TSPAN9: variants seen among roughly 807,000 people sequenced by gnomAD.
TSPAN9 encodes tetraspanin-9.
In TSPAN9, 16 loss-of-function variants were observed where a neutral mutation model predicts 31.0. The observed-to-expected ratio is 0.52, with a 90% confidence interval of 0.35 to 0.78. TSPAN9 has a LOEUF of 0.78. TSPAN9 is among the 30% of genes least tolerant of loss of function. The pLI, the probability that TSPAN9 is intolerant of heterozygous loss-of-function variation, is 0.01. For missense variants in TSPAN9, 272 were observed against 312.5 expected (o/e 0.87, Z 0.98); for synonymous variants, 145 against 121.6 (o/e 1.19, Z -1.27).
chr12:3,214,860 T>G (rs2098380535), intron 3 of TSPAN9, among the ~76,000 whole-genome samples: 1 of 152,046 alleles, frequency 6.6e-6, no homozygotes, highest in South Asian at 2.1e-4. Flanking sequence ...GCGATCGTCA[T>G]TAGGAAGAGC....
At position 3,168,805 on chromosome 12, in the gene TSPAN9, C is replaced by T. The variant is rs1591657550; in HGVS notation, c.-17-32372C>T. On this transcript the variant is annotated intron_variant, in intron 2 of 8. Coordinates refer to ENST00000011898, the MANE Select transcript of TSPAN9 (RefSeq NM_006675.5). This position sits in a 1 kb window ranked among gnomAD's most constrained non-coding sequence, Gnocchi z 4.0. The stretch of plus-strand genomic sequence containing the variant: ...TTCTGTGTCTCCACCATAAAGTACT[C>T]GTTGAGTAAATGAATGAATCAGATG... Among the ~76,000 whole-genome samples the T allele has an allele frequency of 1.3e-5, 2 of 152,298 alleles. No homozygotes were observed. The highest frequency in any genetic ancestry group is 2.1e-4 in the South Asian group (1 of 4,820).
intron 3 of TSPAN9, among the ~76,000 whole-genome samples, chr12:3,209,803 C>CA (rs1199286332): frequency 1.4e-4 from 21 of 151,954 alleles, no homozygotes; most frequent in African/African-American, 5.1e-4. Flanking sequence ...ACTAAAAATA[C>CA]AAAAAATTAG....
intron 2 of TSPAN9, among the ~76,000 whole-genome samples, chr12:3,088,538 G>T (rs2098301990): frequency 2.0e-5 from 3 of 152,194 alleles, no homozygotes. Flanking sequence ...ACCTGTCTTG[G>T]CTCAGCCTGC....
intron 3 of TSPAN9, chr12:3,206,266 C>T (rs1011694022): frequency 1.3e-5 from 6 of 454,454 alleles, no homozygotes; most frequent in East Asian, 7.0e-5. Context: ...ACTGAATGCC[C>T]ACTCTGTGCA....
chr12:3,210,478 G>C (rs1352215974), intron 3 of TSPAN9, among the ~76,000 whole-genome samples: 2 of 152,166 alleles, frequency 1.3e-5, no homozygotes, highest in Non-Finnish European at 2.9e-5. Flanking sequence ...ATGCATGTTT[G>C]TCTTTTGTTC....
At chr12:3,263,434 G>A (rs547669499) in intron 3 of TSPAN9, among the ~76,000 whole-genome samples, 18 of 152,312 alleles carry the variant, frequency 1.2e-4, no homozygotes, top group East Asian at 3.9e-4. Flanking sequence ...ACCTCTCCAC[G>A]TGTGGCGGTG....
At position 3,213,408 on chromosome 12, in the gene TSPAN9, G is replaced by A. The variant is rs140891245; in HGVS notation, c.63+12152G>A. On this transcript the variant is annotated intron_variant, in intron 3 of 8. Coordinates refer to ENST00000011898, the MANE Select transcript of TSPAN9 (RefSeq NM_006675.5). ...AATCAGAGCGACAGCTTGTCAGGCC[G>A]ATAAGCCTGGGCTCTGGGCAGGAGC... 8.4e-3 allele frequency among the ~76,000 whole-genome samples: 1,240 copies of A among 147,306 alleles called. 5 individuals are homozygous for A. Among genetic ancestry groups the A allele is most frequent in the Non-Finnish European group, 0.015 (978 of 66,646 alleles).
intron 2 of TSPAN9, among the ~76,000 whole-genome samples, chr12:3,149,309 T>C (rs1337767158): frequency 6.6e-6 from 1 of 152,094 alleles, no homozygotes; most frequent in Non-Finnish European, 1.5e-5. Flanking sequence ...AGGATGGGTG[T>C]ATTTTGTCCT....
chr12:3,112,144 C>T (rs2098319139), intron 2 of TSPAN9, among the ~76,000 whole-genome samples: 1 of 147,252 alleles, frequency 6.8e-6, no homozygotes, highest in Non-Finnish European at 1.5e-5. Flanking sequence ...TCTAATGAGC[C>T]TCTGAATTTC....
At chr12:3,105,944 G>A (rs1033309593) in intron 2 of TSPAN9, among the ~76,000 whole-genome samples, 31 of 151,624 alleles carry the variant, frequency 2.0e-4, no homozygotes, top group Middle Eastern at 3.2e-3. Context: ...ACTCATCACC[G>A]CCTCCCTTAC....
intron 2 of TSPAN9, among the ~76,000 whole-genome samples, chr12:3,130,987 T>TC: frequency 6.6e-6 from 1 of 152,168 alleles, no homozygotes; most frequent in Non-Finnish European, 1.5e-5. Flanking sequence ...TTCAAGGTCG[T>TC]TGGGGCCAGT....
At chr12:3,101,522 C>T (rs1023943300) in intron 2 of TSPAN9, among the ~76,000 whole-genome samples, 1 of 152,134 alleles carries the variant, frequency 6.6e-6, no homozygotes. Flanking sequence ...AGCCTCCCAT[C>T]CCCAGCCTAC....
chr12:3,221,379 A>G (rs1184655891), intron 3 of TSPAN9, among the ~76,000 whole-genome samples: 1 of 112,000 alleles, frequency 8.9e-6, no homozygotes, highest in Admixed American at 1.0e-4. Flanking sequence ...TTTTTTTTAG[A>G]TGAAGTCTCA....
intron 3 of TSPAN9, among the ~76,000 whole-genome samples, chr12:3,202,948 C>T (rs2098372792): frequency 6.6e-6 from 1 of 152,234 alleles, no homozygotes; most frequent in Admixed American, 6.5e-5. Flanking sequence ...CATCTGTCAG[C>T]CAAGTACTGG....
intron 3 of TSPAN9, among the ~76,000 whole-genome samples, chr12:3,229,847 AT>A (rs2098389775): frequency 6.6e-6 from 1 of 152,184 alleles, no homozygotes; most frequent in Non-Finnish European, 1.5e-5. Flanking sequence ...GCAGGCAGGC[AT>A]GGTTGCACCA....
chr12:3,115,782 A>T (rs1325620173), intron 2 of TSPAN9, among the ~76,000 whole-genome samples: 2 of 152,170 alleles, frequency 1.3e-5, no homozygotes, highest in African/African-American at 2.4e-5. Flanking sequence ...TTTCAACATG[A>T]GAATATTTTG....
chr12:3,249,109 T>G (rs1296963647), intron 3 of TSPAN9, among the ~76,000 whole-genome samples: 1 of 152,238 alleles, frequency 6.6e-6, no homozygotes, highest in African/African-American at 2.4e-5. Flanking sequence ...CAGAGTCTGC[T>G]TCCCAGGGCC....
chr12:3,141,105 G>A (rs1433648276), intron 2 of TSPAN9, among the ~76,000 whole-genome samples: 2 of 151,948 alleles, frequency 1.3e-5, no homozygotes, highest in Admixed American at 6.5e-5. Flanking sequence ...TGAGGTCCTC[G>A]CCAAAGGAGA....
chr12:3,266,713 G>C (rs1317351758), intron 3 of TSPAN9, among the ~76,000 whole-genome samples: 1 of 152,234 alleles, frequency 6.6e-6, no homozygotes, highest in Non-Finnish European at 1.5e-5. Context: ...CTGGCAGAGA[G>C]ACCTGCGCTG....
Sources: gnomAD v4.1 joint callset for allele counts (sites outside exome capture counted in the v4.1 genomes callset) on GRCh38, gnomAD v4.1.1 for gene constraint, Gnocchi (gnomAD v3.1) non-coding constraint, MANE v1.5 for transcripts, NCBI Gene and HGNC (gene_info 2026-07-23, HGNC 2026-07-21) for gene names.